LYST: variants seen among roughly 807,000 people sequenced by gnomAD.
LYST encodes the protein lysosomal-trafficking regulator.
Under a neutral mutation model 413.6 loss-of-function variants are expected in LYST, and 192 were observed. The ratio of observed to expected loss-of-function variants is 0.46; its 90% CI spans 0.41 to 0.52. The LOEUF is 0.52. Among genes scored for constraint, LYST ranks in the 20% least tolerant of loss-of-function variants. LYST has a pLI of 0.00. For synonymous variants in LYST, 1,525 were observed against 1,567.3 expected, an observed-to-expected ratio of 0.97 and a Z score of 0.64; for missense variants, 3,815 against 4,499.9, an observed-to-expected ratio of 0.85 and a Z score of 4.35.
rs1214596561 is a variant in LYST at position 235,787,355 on chromosome 1, A to G, written c.4707T>C (p.Asn1569=). Residue 1569 remains asparagine, a synonymous_variant, in exon 14 of 53, where the codon AAT becomes AAC. Transcript: ENST00000389793. The part of the protein sequence containing the change: ...TLIFRVCMDS[N]DDMKAVLLAQ... ...CTAGTAAAACAGCTTTCATGTCATC[A>G]TTTGAATCCATGCACACACTACAGA... The G allele has an allele frequency of 6.2e-7, 1 of 1,613,832 alleles. No homozygotes were observed. The highest frequency in any genetic ancestry group is 1.3e-5 in the African/African-American group (1 of 75,040).
chr1:235,850,518 T>A (rs1279159466), intron 1 of LYST, among the ~76,000 whole-genome samples: 2 of 152,110 alleles, frequency 1.3e-5, no homozygotes, highest in African/African-American at 4.8e-5. Flanking sequence ...ACAACAAAGA[T>A]AAATAGCTGG....
chr1:235,840,050 G>A (rs1558325626), intron 1 of LYST: 1 of 151,790 alleles, frequency 6.6e-6, no homozygotes, highest in Non-Finnish European at 1.5e-5. Context: ...TCTATATTCC[G>A]GCTTTGTTCC....
chr1:235,828,748 T>G, intron 3 of LYST: 1 of 912,334 alleles, frequency 1.1e-6, no homozygotes, highest in South Asian at 5.1e-5. Flanking sequence ...GAACAGAGCA[T>G]GGTGTACATA....
At position 235,827,388 on chromosome 1, in the gene LYST, T is replaced by A. The variant is rs1338616975; in HGVS notation, c.192+2838A>T. On this transcript the variant is annotated intron_variant, in intron 3 of 52. Transcript: ENST00000389793. ...TGTCTCAAAAATAAATAAATAAATA[T>A]TAATAAAGCAAACGGACTACAGTTG... 9.3e-6 allele frequency: 9 copies of A among 963,292 alleles called. No individual in the cohort carries two copies. The East Asian group carries it at 5.7e-4, about 62-fold the overall frequency. The allele number at this position is 963,292 out of a possible 1,614,324, so 59.7% of individuals were successfully genotyped here.
At position 235,686,260 on chromosome 1, in the gene LYST, G is replaced by C. The variant is rs558235186; in HGVS notation, c.10800+689C>G. Among the ~76,000 whole-genome samples the C allele has an allele frequency of 2.0e-5, 3 of 152,092 alleles. No homozygotes were observed. The highest frequency in any genetic ancestry group is 7.2e-5 in the African/African-American group (3 of 41,500). On this transcript the variant is annotated intron_variant, in intron 48 of 52. Transcript: ENST00000389793. This position sits in a 1 kb window ranked among gnomAD's most constrained non-coding sequence, Gnocchi z 4.0. ...CACATGCCTGTGGTCCCAGCTACTC[G>C]AGAGGCTGAGGCACGAGAATTGATT... is the stretch of plus-strand genomic sequence containing the variant.
intron 47 of LYST, among the ~76,000 whole-genome samples, chr1:235,687,514 A>G (rs914998531): frequency 1.3e-5 from 2 of 152,218 alleles, no homozygotes; most frequent in Admixed American, 1.3e-4. Context: ...ATTGTTAAGC[A>G]GGGGAAGAAA....
At chr1:235,827,866 C>T (rs1675507744) in intron 3 of LYST, 1 of 765,126 alleles carries the variant, frequency 1.3e-6, no homozygotes, top group Non-Finnish European at 1.6e-6. Context: ...AAAGAAAATA[C>T]CGTATTTGGA....
At chr1:235,721,795 C>T (rs2103165884) in intron 39 of LYST, among the ~76,000 whole-genome samples, 1 of 152,278 alleles carries the variant, frequency 6.6e-6, no homozygotes, top group East Asian at 1.9e-4. Context: ...GAAAAGGAGG[C>T]ATTCATTTAT....
chr1:235,827,754 GA>G (rs1675495254), intron 3 of LYST: 3 of 952,860 alleles, frequency 3.1e-6, no homozygotes, highest in Non-Finnish European at 3.7e-6. Flanking sequence ...ACCACCACAG[GA>G]AAAAAATATT....
At chr1:235,869,680 G>GTT (rs1680845177), upstream of LYST, among the ~76,000 whole-genome samples, 2 of 152,060 alleles carry the variant, frequency 1.3e-5, no homozygotes, top group African/African-American at 4.8e-5. Context: ...AAAATTATTT[G>GTT]TGACTAAATG....
Position 235,809,113 on chromosome 1 carries a change from T to C in LYST, c.1705A>G (p.Thr569Ala), listed in dbSNP as rs1442502002. 6.2e-7 allele frequency: 1 copy of C among 1,614,098 alleles called. No homozygotes were observed. Among genetic ancestry groups the C allele is most frequent in the Admixed American group, 1.7e-5 (1 of 60,010 alleles). Residue 569 changes from threonine to alanine, a missense_variant, in exon 5 of 53, where the codon ACT (threonine) becomes GCT (alanine). Physicochemically the swap from Thr to Ala is moderately conservative, Grantham distance 58 (BLOSUM62 0). Coordinates refer to ENST00000389793, the MANE Select transcript of LYST (RefSeq NM_000081.4). The surrounding 1 kb of genome is among the most constrained non-coding windows in gnomAD (Gnocchi z 4.0). ...ACACCCGATAGGATCTGGACACAAGTGCTGCTCAAGGAAGCCTGCTGTAGT... is the reference window on the plus strand; with the variant it reads ...ACACCCGATAGGATCTGGACACAAGCGCTGCTCAAGGAAGCCTGCTGTAGT... ...RLLQQASLSS[T>A]CVQILSGVHN...
chr1:235,764,792 C>T (rs764672786), intron 21 of LYST, among the ~76,000 whole-genome samples: 3 of 152,060 alleles, frequency 2.0e-5, no homozygotes, highest in Non-Finnish European at 2.9e-5. Flanking sequence ...CGTGAGCCAC[C>T]GTGCCTGGCC....
chr1:235,746,202 A>G (rs1665910375), intron 29 of LYST, 134 bp downstream of exon 29: 1 of 732,702 alleles, frequency 1.4e-6, no homozygotes, highest in Non-Finnish European at 2.3e-6. Flanking sequence ...CAAATAAGAA[A>G]CTCTTAATAC....
rs1263285628 is a variant in LYST at position 235,691,983 on chromosome 1, C to A, written c.10701+1367G>T. ...AAAGTGCTAGGATTACAGGCGTGAG[C>A]CACCATGCCCAGCCTAACATCAGAT... On this transcript the variant is annotated intron_variant, in intron 47 of 52. Coordinates refer to ENST00000389793, the MANE Select transcript of LYST (RefSeq NM_000081.4). Among the ~76,000 whole-genome samples, 3 of 148,020 alleles carry A rather than the reference C, an allele frequency of 2.0e-5. No individual in the cohort carries two copies. The East Asian group carries it at 6.6e-4, about 33-fold the overall frequency.
intron 43 of LYST, among the ~76,000 whole-genome samples, 182 bp downstream of exon 43, chr1:235,711,875 T>A (rs976178226): frequency 1.3e-5 from 2 of 152,070 alleles, no homozygotes; most frequent in African/African-American, 4.8e-5. Context: ...TTTAGTCCTA[T>A]AAAATACTTA....
At chr1:235,672,723 G>A (rs965914821) in intron 50 of LYST, among the ~76,000 whole-genome samples, 1 of 151,988 alleles carries the variant, frequency 6.6e-6, no homozygotes, top group Non-Finnish European at 1.5e-5. Flanking sequence ...CTAGAAACTC[G>A]ATTACCATGG....
intron 10 of LYST, among the ~76,000 whole-genome samples, chr1:235,794,069 G>A (rs983333154): frequency 6.6e-6 from 1 of 152,058 alleles, no homozygotes; most frequent in Non-Finnish European, 1.5e-5. Flanking sequence ...CTGACCTCAG[G>A]TGATCCACCT....
intron 50 of LYST, among the ~76,000 whole-genome samples, chr1:235,669,468 C>T (rs1260791311): frequency 1.3e-5 from 2 of 152,238 alleles, no homozygotes; most frequent in Non-Finnish European, 2.9e-5. Context: ...ACCAATCAAA[C>T]TGATTGTGGG....
At chr1:235,774,123 C>G in intron 18 of LYST, 132 bp from the exon 19 acceptor site, 1 of 670,672 alleles carries the variant, frequency 1.5e-6, no homozygotes, top group South Asian at 1.8e-5. Context: ...TAACACTTCA[C>G]AAAGTATCTT....
Sources: gnomAD v4.1 joint callset for allele counts (sites outside exome capture counted in the v4.1 genomes callset) on GRCh38, gnomAD v4.1.1 for gene constraint, Gnocchi (gnomAD v3.1) non-coding constraint, MANE v1.5 for transcripts, NCBI Gene and HGNC (gene_info 2026-07-23, HGNC 2026-07-21) for gene names.